CCSAP: variants seen among roughly 807,000 people sequenced by gnomAD.
The protein encoded by CCSAP is centriole, cilia and spindle associated protein.
Under a neutral mutation model 25.9 loss-of-function variants are expected in CCSAP, and 17 were observed. That is an observed-to-expected ratio of 0.66 (90% CI 0.45 to 0.99). The LOEUF (loss-of-function observed/expected upper bound fraction) is 0.99, where lower values mean the gene tolerates loss of function less well. CCSAP is among the 50% of genes least tolerant of loss of function. CCSAP has a pLI of 0.00. For synonymous variants in CCSAP, 169 were observed against 157.1 expected, an observed-to-expected ratio of 1.08 and a Z score of -0.57; for missense variants, 339 against 367.8, an observed-to-expected ratio of 0.92 and a Z score of 0.64.
chr1:229,328,846 T>A (rs10916464), intron 2 of CCSAP, among the ~76,000 whole-genome samples: 31,460 of 152,182 alleles, frequency 0.21, 3,366 homozygotes, highest in African/African-American at 0.27. Context: ...ACCATTACAT[T>A]TATTACTAAG....
intron 2 of CCSAP, among the ~76,000 whole-genome samples, chr1:229,332,736 ATAAAAT>A (rs1658098078): frequency 6.6e-6 from 1 of 152,220 alleles, no homozygotes; most frequent in African/African-American, 2.4e-5. Flanking sequence ...TTAAAAGTAA[ATAAAAT>A]TAAAGATTCA....
rs775800838 is a variant in CCSAP at position 229,325,334 on chromosome 1, A to G, written c.714T>C (p.Ala238=). 6.2e-7 allele frequency: 1 copy of G among 1,614,188 alleles called. No individual in the cohort carries two copies. The highest frequency in any genetic ancestry group is 1.1e-5 in the South Asian group (1 of 91,088). Residue 238 remains alanine (A), a synonymous_variant, in exon 4 of 4, where the codon GCT becomes GCC. Coordinates refer to ENST00000284617, the MANE Select transcript of CCSAP (RefSeq NM_145257.5). ...KRKLVAQRQR[A]HSVDVEKNRK... ...TGTTCTTCTCCACATCCACAGAGTG[A>G]GCTCGCTGCCTTTGAGCAACCAGTT...
chr1:229,339,155 A>C (rs916029155), intron 2 of CCSAP, among the ~76,000 whole-genome samples: 1 of 152,058 alleles, frequency 6.6e-6, no homozygotes, highest in Non-Finnish European at 1.5e-5. Flanking sequence ...AATTAAAAAC[A>C]TGAGTTTGTC....
At chr1:229,337,162 GGCCA>G (rs762194762) in intron 2 of CCSAP, among the ~76,000 whole-genome samples, 4 of 151,970 alleles carry the variant, frequency 2.6e-5, no homozygotes, top group Non-Finnish European at 5.9e-5. Context: ...GAATGAAAAA[GGCCA>G]GCCAAATGAA....
intron 2 of CCSAP, among the ~76,000 whole-genome samples, chr1:229,330,107 A>G (rs1481780832): frequency 6.7e-6 from 1 of 149,436 alleles, no homozygotes; most frequent in Non-Finnish European, 1.5e-5. Context: ...CAGACAGCCC[A>G]GCAACACTGC....
chr1:229,330,652 C>G (rs1157133944), intron 2 of CCSAP, among the ~76,000 whole-genome samples: 8 of 151,978 alleles, frequency 5.3e-5, no homozygotes, highest in African/African-American at 1.5e-4. Context: ...ACCATCCTGG[C>G]TAACACGGTG....
At position 229,342,824 on chromosome 1, in the gene CCSAP, G is replaced by C. The variant is rs959309367; in HGVS notation, c.-49+88C>G. On this transcript the variant is annotated intron_variant, in intron 1 of 3. Transcript: ENST00000284617. This position sits in a 1 kb window ranked among gnomAD's most constrained non-coding sequence, Gnocchi z 7.5. Reference sequence around the variant, plus strand: ...CTGAGCGGGAGGAGGAGCGAGGGAGGGGAGCGGCGGGGCCCGTGATCGGGT... The same window carrying C: ...CTGAGCGGGAGGAGGAGCGAGGGAGCGGAGCGGCGGGGCCCGTGATCGGGT... 5.8e-6 allele frequency: 1 copy of C among 172,782 alleles called. No homozygotes were observed. Among genetic ancestry groups the C allele is most frequent in the Non-Finnish European group, 1.2e-5 (1 of 82,136 alleles). 10.7% of individuals were successfully genotyped at this position (172,782 alleles called of 1,614,324 possible). A position where few individuals can be genotyped will look rare whatever the true frequency, so the allele number is the denominator to read the frequency against.
intron 2 of CCSAP, among the ~76,000 whole-genome samples, chr1:229,337,678 A>AAAAAATATATATATATATATATATAT: frequency 6.1e-5 from 4 of 65,514 alleles, no homozygotes; most frequent in African/African-American, 2.4e-4. Context: ...CTCAAAAAAA[A>AAAAAATATATATATATATATATATAT]ATATATATAT....
intron 2 of CCSAP, among the ~76,000 whole-genome samples, chr1:229,335,504 G>A (rs567620137): frequency 6.6e-6 from 1 of 152,306 alleles, no homozygotes; most frequent in African/African-American, 2.4e-5. Context: ...TTGAACCTGG[G>A]CAGACTTTTA....
rs1481834192 is a variant in CCSAP, at chr1:229,342,525, G to C, written c.-48-12C>G. 8.5e-7 allele frequency: 1 copy of C among 1,175,650 alleles called. No homozygotes were observed. Among genetic ancestry groups the C allele is most frequent in the Non-Finnish European group, 1.1e-6 (1 of 918,358 alleles). 72.8% of individuals were successfully genotyped at this position (1,175,650 alleles called of 1,614,324 possible). A position where few individuals can be genotyped will look rare whatever the true frequency, so the allele number is the denominator to read the frequency against. ...TCGCTGCCCGCAGCCTACGGGACCC[G>C]GTACACGACACAGAGGCCGCCCCGC... On this transcript the variant is annotated splice_polypyrimidine_tract_variant and intron_variant, in intron 1 of 3. Coordinates refer to ENST00000284617, the MANE Select transcript of CCSAP (RefSeq NM_145257.5). The surrounding 1 kb of genome is among the most constrained non-coding windows in gnomAD (Gnocchi z 7.5).
In CCSAP at chr1:229,342,250, G is replaced by C. The variant is rs1571859580; in HGVS notation, c.216C>G (p.Pro72=). Residue 72 remains proline (P), a synonymous_variant, in exon 2 of 4, where the codon CCC becomes CCG. Transcript: ENST00000284617. The surrounding 1 kb of genome is among the most constrained non-coding windows in gnomAD (Gnocchi z 7.5). Reference sequence around the variant, plus strand: ...GCGAGGGCGGGGCGCACCGGGGTGCGGGGCCCCCGGCGCCCGACGACTCTG... The same window carrying C: ...GCGAGGGCGGGGCGCACCGGGGTGCCGGGCCCCCGGCGCCCGACGACTCTG... ...ASSESSGAGG[P]APRCAPPSPP... The C allele has an allele frequency of 3.9e-6, 5 of 1,275,780 alleles. No homozygotes were observed. Among genetic ancestry groups the C allele is most frequent in the South Asian group, 2.7e-5 (1 of 37,066 alleles). 79.0% of individuals were successfully genotyped at this position (1,275,780 alleles called of 1,614,324 possible).
chr1:229,339,611 G>A (rs1166934872), intron 2 of CCSAP, among the ~76,000 whole-genome samples: 3 of 152,278 alleles, frequency 2.0e-5, no homozygotes, highest in African/African-American at 7.2e-5. Context: ...CTAGGAGGAT[G>A]GCCAAGGGCC....
intron 2 of CCSAP, 68 bp from the exon 3 acceptor site, chr1:229,327,074 T>C: frequency 7.7e-7 from 1 of 1,305,270 alleles, no homozygotes; most frequent in South Asian, 1.7e-5. Context: ...AAAATATTTA[T>C]GTTGAAAAAT....
chr1:229,326,572 AT>A (rs1657945555), intron 3 of CCSAP, among the ~76,000 whole-genome samples, 165 bp downstream of exon 3: 1 of 152,342 alleles, frequency 6.6e-6, no homozygotes, highest in Admixed American at 6.5e-5. Flanking sequence ...CCTTTGGTTC[AT>A]CAGAGGCTCC....
chr1:229,338,514 C>T (rs1404362673), intron 2 of CCSAP, among the ~76,000 whole-genome samples: 1 of 150,346 alleles, frequency 6.7e-6, no homozygotes, highest in Non-Finnish European at 1.5e-5. Context: ...TCACGGTTCA[C>T]AAGCACTTCC....
chr1:229,342,765 C>T lies in CCSAP; in HGVS notation c.-49+147G>A, dbSNP rs1658373263. 1.8e-5 allele frequency: 4 copies of T among 225,182 alleles called. No homozygotes were observed. Among genetic ancestry groups the T allele is most frequent in the Non-Finnish European group, 3.5e-5 (4 of 115,872 alleles). The allele number at this position is 225,182 out of a possible 1,614,324, so 13.9% of individuals were successfully genotyped here. A position where few individuals can be genotyped will look rare whatever the true frequency, so the allele number is the denominator to read the frequency against. Reference sequence around the variant, plus strand: ...CAGTGGGCGGAAGGCAGGGAGGCTGCGGGCTGGGGCGAGGGGACCGCAGGA... The same window carrying T: ...CAGTGGGCGGAAGGCAGGGAGGCTGTGGGCTGGGGCGAGGGGACCGCAGGA... On this transcript the variant is annotated intron_variant, in intron 1 of 3. Transcript: ENST00000284617. The surrounding 1 kb of genome is among the most constrained non-coding windows in gnomAD (Gnocchi z 7.5).
At position 229,324,708 on chromosome 1, in the gene CCSAP, T is replaced by C. The variant is rs1657900995; in HGVS notation, c.*527A>G. On this transcript the variant is annotated 3_prime_UTR_variant, in exon 4 of 4. Transcript: ENST00000284617. ...TTTTCAGGAACTAGCAAAGTTCTACTTTCATTATACATGGAATCAGTAGTA... is the reference window on the plus strand; with the variant it reads ...TTTTCAGGAACTAGCAAAGTTCTACCTTCATTATACATGGAATCAGTAGTA... The C allele has an allele frequency of 6.6e-6, 1 of 152,592 alleles. No homozygotes were observed. The highest frequency in any genetic ancestry group is 2.1e-4 in the South Asian group (1 of 4,838). 9.5% of individuals were successfully genotyped at this position (152,592 alleles called of 1,614,324 possible). A position where few individuals can be genotyped will look rare whatever the true frequency, so the allele number is the denominator to read the frequency against.
At chr1:229,333,123 C>T (rs539674456) in intron 2 of CCSAP, among the ~76,000 whole-genome samples, 35 of 152,270 alleles carry the variant, frequency 2.3e-4, no homozygotes, top group African/African-American at 8.4e-4. Flanking sequence ...AAAATCCCTC[C>T]CAGTTTTGAA....
chr1:229,321,707 A>G lies in CCSAP; in HGVS notation c.*3528T>C, dbSNP rs1017981328. ...TTTACCAAAGCAGTCAACAAGAAAA[A>G]TTGTTTTACTTCTGATATATGCTTT... On this transcript the variant is annotated 3_prime_UTR_variant, in exon 4 of 4. Transcript: ENST00000284617. 6.6e-6 allele frequency: 1 copy of G among 152,162 alleles called. No homozygotes were observed. The highest frequency in any genetic ancestry group is 2.4e-5 in the African/African-American group (1 of 41,426). 9.4% of individuals were successfully genotyped at this position (152,162 alleles called of 1,614,324 possible). A position where few individuals can be genotyped will look rare whatever the true frequency, so the allele number is the denominator to read the frequency against.
Sources: gnomAD v4.1 joint callset for allele counts (sites outside exome capture counted in the v4.1 genomes callset) on GRCh38, gnomAD v4.1.1 for gene constraint, Gnocchi (gnomAD v3.1) non-coding constraint, MANE v1.5 for transcripts, NCBI Gene and HGNC (gene_info 2026-07-23, HGNC 2026-07-21) for gene names.